BOC: variants seen among roughly 807,000 people sequenced by gnomAD.
BOC encodes brother of CDO.
Under a neutral mutation model 112.0 loss-of-function variants are expected in BOC, and 76 were observed. The observed-to-expected ratio is 0.68, with a 90% CI of 0.56 to 0.82. BOC has a LOEUF of 0.82. Among genes scored for constraint, BOC ranks in the 40% least tolerant of loss-of-function variants. The pLI, the probability that BOC is intolerant of heterozygous loss-of-function variation, is 0.00. For missense variants in BOC, 1,309 were observed against 1,511.7 expected, an observed-to-expected ratio of 0.87 and a Z score of 2.22; for synonymous variants, 580 against 599.8, an observed-to-expected ratio of 0.97 and a Z score of 0.48.
intron 19 of BOC, among the ~76,000 whole-genome samples, chr3:113,286,282 C>G (rs1949682916): frequency 6.6e-6 from 1 of 152,124 alleles, no homozygotes; most frequent in Non-Finnish European, 1.5e-5. Flanking sequence ...TTAAACTGGA[C>G]CGTGTCAATC....
chr3:113,276,276 C>A (rs1000356045), intron 9 of BOC, among the ~76,000 whole-genome samples: 1 of 152,224 alleles, frequency 6.6e-6, no homozygotes, highest in African/African-American at 2.4e-5. Context: ...CCGTGGTGAT[C>A]CGGAAATGCC....
chr3:113,212,428 G>A (rs116321042), intron 1 of BOC: 2 of 152,420 alleles, frequency 1.3e-5, no homozygotes, highest in African/African-American at 4.8e-5. Context: ...GTTGACACCA[G>A]CGCCCCGGCC....
Position 113,250,712 on chromosome 3 carries a change from C to T in BOC, c.255C>T (p.Leu85=). 1 of 1,614,166 alleles carries T rather than the reference C, an allele frequency of 6.2e-7. No homozygotes were observed. The highest frequency in any genetic ancestry group is 8.5e-7 in the Non-Finnish European group (1 of 1,180,024). ...LNGSDDALGV[L]ITHGTLVITA... ...GCTCGGATGATGCTCTGGGTGTCCTCATCACCCACGGGACCCTCGTCATCA... is the reference window on the plus strand; with the variant it reads ...GCTCGGATGATGCTCTGGGTGTCCTTATCACCCACGGGACCCTCGTCATCA... Residue 85 remains leucine, a synonymous_variant, in exon 4 of 20, where the codon CTC becomes CTT. Coordinates refer to ENST00000682979, the MANE Select transcript of BOC (RefSeq NM_001378074.1).
At chr3:113,284,727 G>T in intron 17 of BOC, 55 bp from the exon 18 acceptor site, 1 of 1,569,062 alleles carries the variant, frequency 6.4e-7, no homozygotes, top group Non-Finnish European at 8.8e-7. Flanking sequence ...GTGAAGACTG[G>T]AAAGTTACCT....
At chr3:113,279,171 A>G (rs1002154132) in intron 11 of BOC, 78 bp from the exon 12 acceptor site, 2 of 1,455,044 alleles carry the variant, frequency 1.4e-6, no homozygotes, top group Non-Finnish European at 1.9e-6. Context: ...CAGTGGGCAT[A>G]CAGCGTCATC....
chr3:113,285,632 G>A (rs1270315856), intron 19 of BOC, 67 bp downstream of exon 19: 12 of 1,405,998 alleles, frequency 8.5e-6, no homozygotes, highest in African/African-American at 5.8e-5. Flanking sequence ...GCATCCACAA[G>A]CCAGTAGTAA....
In BOC at chr3:113,278,084, A is replaced by C. The variant is rs1948834667; in HGVS notation, c.1543-11A>C. 6.2e-7 allele frequency: 1 copy of C among 1,613,956 alleles called. No homozygotes were observed. The highest frequency in any genetic ancestry group is 8.5e-7 in the Non-Finnish European group (1 of 1,179,972). On this transcript the variant is annotated splice_polypyrimidine_tract_variant and intron_variant, in intron 9 of 19. Coordinates refer to ENST00000682979, the MANE Select transcript of BOC (RefSeq NM_001378074.1). This position sits in a 1 kb window ranked among gnomAD's most constrained non-coding sequence, Gnocchi z 4.2. ...TGAGATGCCGGTCTTTATACCAGCTACCTTCTCCAGCAGGTCACAAATTCC... is the reference window on the plus strand; with the variant it reads ...TGAGATGCCGGTCTTTATACCAGCTCCCTTCTCCAGCAGGTCACAAATTCC...
intron 2 of BOC, among the ~76,000 whole-genome samples, chr3:113,243,125 C>T (rs1454106656): frequency 1.3e-5 from 2 of 152,116 alleles, no homozygotes; most frequent in African/African-American, 4.8e-5. Flanking sequence ...AGTGGATTTA[C>T]AGATTATATT....
chr3:113,258,145 A>G (rs1946430757), intron 4 of BOC, among the ~76,000 whole-genome samples: 1 of 152,234 alleles, frequency 6.6e-6, no homozygotes, highest in Non-Finnish European at 1.5e-5. Context: ...AAGAATGTGT[A>G]CAAGACAACC....
At chr3:113,233,150 T>TGG (rs944908799) in intron 2 of BOC, among the ~76,000 whole-genome samples, 2 of 73,260 alleles carry the variant, frequency 2.7e-5, no homozygotes, top group African/African-American at 9.7e-5. Context: ...AGGATTGGGG[T>TGG]GTGTGTGTGT....
In BOC at chr3:113,249,869, C is replaced by A. The variant is rs759827886; in HGVS notation, c.67C>A (p.Leu23Ile). 1 of 1,613,394 alleles carries A rather than the reference C, an allele frequency of 6.2e-7. No homozygotes were observed. The highest frequency in any genetic ancestry group is 1.1e-5 in the South Asian group (1 of 91,034). Residue 23 changes from leucine (L) to isoleucine (I), a missense_variant, in exon 3 of 20, where the codon CTA becomes ATA. Transcript: ENST00000682979. The stretch of plus-strand genomic sequence containing the variant: ...TGAGGTCACACTGGCTTGCCTCCTC[C>A]TAGCCACAGCAGGCTGCTTTGCTGA... ...RPEVTLACLL[L>I]ATAGCFADLN...
rs1224788210 is a variant in BOC, at chr3:113,268,535, G to C, written c.523+90G>C. 3.8e-6 allele frequency: 5 copies of C among 1,315,724 alleles called. No individual in the cohort carries two copies. In the East Asian group the frequency reaches 1.2e-4, roughly 33 times the overall value. 81.5% of individuals were successfully genotyped at this position (1,315,724 alleles called of 1,614,324 possible). A position where few individuals can be genotyped will look rare whatever the true frequency, so the allele number is the denominator to read the frequency against. Reference sequence around the variant, plus strand: ...CTCGCTGCTCAACAAAGCTAGGGCAGCTGCTGCTGTCTCCCAAACCCCCCT... The same window carrying C: ...CTCGCTGCTCAACAAAGCTAGGGCACCTGCTGCTGTCTCCCAAACCCCCCT... On this transcript the variant is annotated intron_variant, in intron 5 of 19. Transcript: ENST00000682979.
rs568473890 is a variant in BOC, at chr3:113,273,443, G to C, written c.1234+102G>C. 5.9e-5 allele frequency: 76 copies of C among 1,295,132 alleles called. No individual in the cohort carries two copies. The East Asian group carries it at 1.8e-3, about 31-fold the overall frequency. 80.2% of individuals were successfully genotyped at this position (1,295,132 alleles called of 1,614,324 possible). On this transcript the variant is annotated intron_variant, in intron 8 of 19. Coordinates refer to ENST00000682979, the MANE Select transcript of BOC (RefSeq NM_001378074.1). The stretch of plus-strand genomic sequence containing the variant: ...ACCCCAGTATATAAGATAGAAAAAA[G>C]TAGCTTTTAGTTGTAAGCTCAAATT...
At chr3:113,214,919 AT>A (rs1224100390) in intron 1 of BOC, among the ~76,000 whole-genome samples, 1 of 152,214 alleles carries the variant, frequency 6.6e-6, no homozygotes, top group East Asian at 1.9e-4. Context: ...TCTACTTGTA[AT>A]TAAGAAAATG....
chr3:113,273,216 G>C lies in BOC; in HGVS notation c.1109G>C (p.Arg370Pro). Residue 370 changes from arginine to proline, a missense_variant, in exon 8 of 20, where the codon CGG becomes CCG. By Grantham distance (103) the Arg-to-Pro change is moderately radical. Transcript: ENST00000682979. ...CCCCTCATCTCCAGCCAGCGCCTCC[G>C]GCTCTCCCGCAGGGCCCTGCGCGTG... is the stretch of plus-strand genomic sequence containing the variant. ...AVPLISSQRLRLSRRALRVLS... is the reference protein window; with the variant it reads ...AVPLISSQRLPLSRRALRVLS... 1 of 1,613,692 alleles carries C rather than the reference G, an allele frequency of 6.2e-7. No individual in the cohort carries two copies. Among genetic ancestry groups the C allele is most frequent in the Non-Finnish European group, 8.5e-7 (1 of 1,180,002 alleles).
At chr3:113,265,014 G>T (rs981498208) in intron 4 of BOC, among the ~76,000 whole-genome samples, 1 of 152,200 alleles carries the variant, frequency 6.6e-6, no homozygotes, top group African/African-American at 2.4e-5. Flanking sequence ...TGGCCGCATG[G>T]CTGACCAGTG....
intron 2 of BOC, among the ~76,000 whole-genome samples, chr3:113,236,371 A>T (rs376293274): frequency 1.5e-4 from 20 of 130,620 alleles, no homozygotes; most frequent in African/African-American, 4.0e-4. Flanking sequence ...GCAGCAACAT[A>T]GATAGAACTG....
intron 5 of BOC, chr3:113,269,511 A>G (rs1947875511): frequency 6.6e-6 from 1 of 152,106 alleles, no homozygotes. Context: ...CCTGAGTGAC[A>G]GAGTGAGACT....
At chr3:113,238,941 A>G (rs1434576783) in intron 2 of BOC, among the ~76,000 whole-genome samples, 1 of 152,240 alleles carries the variant, frequency 6.6e-6, no homozygotes, top group Non-Finnish European at 1.5e-5. Flanking sequence ...GAGGCTGATT[A>G]GATGGAGAGA....
Sources: allele counts gnomAD v4.1 joint callset (sites outside exome capture counted in the v4.1 genomes callset), GRCh38; gene constraint gnomAD v4.1.1; non-coding constraint Gnocchi (gnomAD v3.1); transcripts MANE v1.5; gene names NCBI Gene and HGNC (gene_info 2026-07-23, HGNC 2026-07-21).